Variants in NECAB2 observed in about 807,000 individuals in gnomAD.
The protein encoded by NECAB2 is N-terminal EF-hand calcium-binding protein 2.
A neutral mutation model predicts 51.9 loss-of-function variants in NECAB2; 68 were observed. That is an observed-to-expected ratio of 1.31 (90% CI 1.08 to 1.60). The LOEUF is 1.60. Among genes scored for constraint, NECAB2 ranks in the 40% most tolerant of loss-of-function variants. The probability of loss-of-function intolerance (pLI) is 0.00; values close to 1 mark genes in which losing one functional copy is unlikely to be tolerated. For synonymous variants in NECAB2, 329 were observed against 203.5 expected (o/e 1.62, Z -5.25); for missense variants, 854 against 490.3 (o/e 1.74, Z -7.00).
upstream of NECAB2, among the ~76,000 whole-genome samples, chr16:83,966,599 C>T (rs1474766299): frequency 6.6e-6 from 1 of 152,156 alleles, no homozygotes; most frequent in Non-Finnish European, 1.5e-5. Flanking sequence ...GCCCCGCCCC[C>T]TCCGCAGCCT....
At chr16:83,987,676 T>C (rs1047027438) in intron 5 of NECAB2, among the ~76,000 whole-genome samples, 2 of 152,354 alleles carry the variant, frequency 1.3e-5, no homozygotes, top group East Asian at 3.9e-4. Flanking sequence ...AGTGTACTTA[T>C]TTTTCCTCTT....
intron 1 of NECAB2, chr16:83,971,368 T>C (rs1261163231): frequency 6.6e-6 from 1 of 152,124 alleles, no homozygotes; most frequent in East Asian, 1.9e-4. Flanking sequence ...TTTTGAAAGC[T>C]CTCCAGGCGA....
chr16:83,989,525 G>A (rs1269871604), intron 5 of NECAB2, among the ~76,000 whole-genome samples: 1 of 152,186 alleles, frequency 6.6e-6, no homozygotes, highest in Non-Finnish European at 1.5e-5. Flanking sequence ...GCCAGGGACT[G>A]GGCAGAAATC....
chr16:83,978,125 A>C (rs1192317476), intron 2 of NECAB2, among the ~76,000 whole-genome samples: 1 of 152,218 alleles, frequency 6.6e-6, no homozygotes, highest in Non-Finnish European at 1.5e-5. Context: ...TGGTGAGCCC[A>C]AGAAAGCTAG....
intron 5 of NECAB2, among the ~76,000 whole-genome samples, chr16:83,987,357 G>C (rs1315252203): frequency 2.0e-5 from 3 of 152,090 alleles, no homozygotes; most frequent in Non-Finnish European, 4.4e-5. Context: ...AAATCTTTGT[G>C]TTTCTAATGG....
At chr16:83,997,773 G>A (rs7199201) in intron 9 of NECAB2, among the ~76,000 whole-genome samples, 30 of 152,156 alleles carry the variant, frequency 2.0e-4, no homozygotes, top group African/African-American at 5.3e-4. Context: ...GATTACAGGC[G>A]TGAGCCACCA....
chr16:83,983,655 C>T (rs1249800835), intron 5 of NECAB2, among the ~76,000 whole-genome samples: 1 of 152,148 alleles, frequency 6.6e-6, no homozygotes, highest in African/African-American at 2.4e-5. Context: ...ATTGAACAAT[C>T]CTTCGCTCCC....
intron 11 of NECAB2, among the ~76,000 whole-genome samples, chr16:84,001,354 C>T (rs1240754701): frequency 6.6e-6 from 1 of 152,118 alleles, no homozygotes; most frequent in Non-Finnish European, 1.5e-5. Context: ...AGCCCATGCC[C>T]CCATCTCCTG....
At chr16:83,974,782 A>G (rs1324897538) in intron 2 of NECAB2, among the ~76,000 whole-genome samples, 1 of 152,070 alleles carries the variant, frequency 6.6e-6, no homozygotes, top group East Asian at 1.9e-4. Flanking sequence ...TGGTGTGGGA[A>G]TAGAATGGCT....
upstream of NECAB2, chr16:83,965,754 TC>T: frequency 6.2e-7 from 1 of 1,613,352 alleles, no homozygotes; most frequent in South Asian, 1.1e-5. Flanking sequence ...CTGGTGCTGG[TC>T]CTCATCGGCT....
Position 83,992,368 on chromosome 16 carries a change from G to A in NECAB2, c.596+1738G>A, listed in dbSNP as rs566582630. 1.8e-3 allele frequency among the ~76,000 whole-genome samples: 226 copies of A among 125,754 alleles called. 1 individual carries two copies. Among genetic ancestry groups the A allele is most frequent in the African/African-American group, 2.6e-3 (54 of 20,684 alleles). The allele number at this position is 125,754 out of a possible 152,430, so 82.5% of individuals were successfully genotyped here. A position where few individuals can be genotyped will look rare whatever the true frequency, so the allele number is the denominator to read the frequency against. ...AGCAGTCCCATCTCCCGGGGAACAC[G>A]AGCACCCGTCCCCCCGCCCACCTCC... On this transcript the variant is annotated intron_variant, in intron 6 of 12. Coordinates refer to ENST00000305202, the MANE Select transcript of NECAB2 (RefSeq NM_019065.3).
At chr16:83,980,056 A>T (rs1300945835) in intron 3 of NECAB2, among the ~76,000 whole-genome samples, 1 of 152,204 alleles carries the variant, frequency 6.6e-6, no homozygotes, top group East Asian at 1.9e-4. Context: ...TGGGCCACAG[A>T]AGCCTTCTGT....
upstream of NECAB2, chr16:83,966,016 C>A: frequency 6.6e-7 from 1 of 1,524,666 alleles, no homozygotes. Context: ...AACACTCGGC[C>A]AGACCCGCTG....
chr16:83,991,249 C>T (rs1232700571), intron 6 of NECAB2, among the ~76,000 whole-genome samples: 1 of 151,960 alleles, frequency 6.6e-6, no homozygotes, highest in African/African-American at 2.4e-5. Flanking sequence ...TCCCAAAGTG[C>T]TGGGATGAAA....
At chr16:83,977,409 C>G (rs1444860977) in intron 2 of NECAB2, among the ~76,000 whole-genome samples, 1 of 152,178 alleles carries the variant, frequency 6.6e-6, no homozygotes, top group Non-Finnish European at 1.5e-5. Flanking sequence ...GACCGCCTCC[C>G]AGAGTCCCTG....
intron 6 of NECAB2, 25 bp from the exon 7 acceptor site, chr16:83,994,275 CTG>C (rs779331920): frequency 5.0e-6 from 8 of 1,608,368 alleles, no homozygotes; most frequent in Non-Finnish European, 6.8e-6. Context: ...CCGCCATGGT[CTG>C]TGTGTGTTCC....
At position 84,001,895 on chromosome 16, in the gene NECAB2, C is replaced by G; in HGVS notation, c.1111C>G (p.Leu371Val). ...GGACACACTGAGCCAGCCTGAGGCC[C>G]TCTCCAGGATCTTGGTGCCAGGTAG... ...KVDTLSQPEA[L>V]SRILVPAAWC... Residue 371 changes from leucine (L) to valine (V), a missense_variant, in exon 12 of 13, where the codon CTC (leucine) becomes GTC (valine). Coordinates refer to ENST00000305202, the MANE Select transcript of NECAB2 (RefSeq NM_019065.3). 1.2e-6 allele frequency: 2 copies of G among 1,614,028 alleles called. No individual in the cohort carries two copies. The highest frequency in any genetic ancestry group is 1.7e-6 in the Non-Finnish European group (2 of 1,179,902).
Position 84,001,810 on chromosome 16 carries a change from G to A in NECAB2, c.1041-15G>A, listed in dbSNP as rs1431470178. On this transcript the variant is annotated splice_polypyrimidine_tract_variant and intron_variant, in intron 11 of 12. Coordinates refer to ENST00000305202, the MANE Select transcript of NECAB2 (RefSeq NM_019065.3). The stretch of plus-strand genomic sequence containing the variant: ...CTCCTGCCACCCCTGACTCACACAT[G>A]TCCCTGCGTCACAGGCACCTGCAGA... The A allele has an allele frequency of 5.6e-6, 9 of 1,613,708 alleles. No individual in the cohort carries two copies. The highest frequency in any genetic ancestry group is 3.3e-5 in the South Asian group (3 of 91,058).
chr16:83,998,664 G>T (rs1288584149), intron 10 of NECAB2, among the ~76,000 whole-genome samples: 3 of 152,248 alleles, frequency 2.0e-5, no homozygotes, highest in Non-Finnish European at 4.4e-5. Context: ...CGCTCAGTCA[G>T]CCTCAGCTGC....
Sources: allele counts gnomAD v4.1 joint callset (sites outside exome capture counted in the v4.1 genomes callset), GRCh38; gene constraint gnomAD v4.1.1; transcripts MANE v1.5; gene names NCBI Gene and HGNC (gene_info 2026-07-23, HGNC 2026-07-21).